The following RABEP1 variants were observed in gnomAD, a reference collection of about 807,000 sequenced individuals.
RABEP1 encodes the protein rab GTPase-binding effector protein 1.
Under a neutral mutation model 123.4 loss-of-function variants are expected in RABEP1, and 51 were observed. The ratio of observed to expected loss-of-function variants is 0.41; its 90% confidence interval spans 0.33 to 0.52. The LOEUF is 0.52. RABEP1 is among the 20% of genes least tolerant of loss of function. The pLI is 0.16. For synonymous variants in RABEP1, 347 were observed against 355.2 expected, an observed-to-expected ratio of 0.98 and a Z score of 0.26; for missense variants, 888 against 996.3, an observed-to-expected ratio of 0.89 and a Z score of 1.46.
rs1905621266 is a variant in RABEP1, at chr17:5,323,696, CTCTAGGAATATATATATATA to C, written c.164-8233_164-8214del. On this transcript the variant is annotated intron_variant, in intron 2 of 17. Coordinates refer to ENST00000537505, the MANE Select transcript of RABEP1 (RefSeq NM_004703.6). ...ATTGGTGATATATATATATATCTCTCTCTAGGAATATATATATATATCTAGGAATATATATATATCTAGGA... is the reference window on the plus strand; with the variant it reads ...ATTGGTGATATATATATATATCTCTCTCTAGGAATATATATATATCTAGGA... 8.8e-5 allele frequency among the ~76,000 whole-genome samples: 9 copies of C among 101,702 alleles called. 1 individual carries two copies. Among genetic ancestry groups the C allele is most frequent in the Non-Finnish European group, 1.7e-4 (9 of 53,452 alleles). 66.7% of individuals were successfully genotyped at this position (101,702 alleles called of 152,430 possible).
At position 5,354,464 on chromosome 17, in the gene RABEP1, T is replaced by A. The variant is rs1404751739; in HGVS notation, c.1069T>A (p.Ser357Thr). Residue 357 changes from serine to threonine, a missense_variant, in exon 8 of 18, where the codon TCT (serine) becomes ACT (threonine). Physicochemically the swap from Ser to Thr is moderately conservative, Grantham distance 58. Coordinates refer to ENST00000537505, the MANE Select transcript of RABEP1 (RefSeq NM_004703.6). ...AGTGTGTGCTTTAACTCAAGAAGAATCTTCAGCCCAGTTATCAAATGAAGA... is the reference window on the plus strand; with the variant it reads ...AGTGTGTGCTTTAACTCAAGAAGAAACTTCAGCCCAGTTATCAAATGAAGA... ...PVVCALTQEE[S>T]SAQLSNEEEH... 1 of 1,612,182 alleles carries A rather than the reference T, an allele frequency of 6.2e-7. No individual in the cohort carries two copies. The highest frequency in any genetic ancestry group is 8.5e-7 in the Non-Finnish European group (1 of 1,179,310).
intron 12 of RABEP1, among the ~76,000 whole-genome samples, chr17:5,370,676 A>G (rs1470701389): frequency 6.6e-6 from 1 of 152,216 alleles, no homozygotes; most frequent in African/African-American, 2.4e-5. Context: ...AAATGGTTCA[A>G]TGGGAGGTTC....
Position 5,383,767 on chromosome 17 carries a change from ATCTTG to A in RABEP1, c.*545_*549del, listed in dbSNP as rs1911707259. On this transcript the variant is annotated 3_prime_UTR_variant, in exon 18 of 18. Transcript: ENST00000537505. Reference sequence around the variant, plus strand: ...TGTTTTCCTTTTACCATTTTATCTTATCTTGCTTTGGAGGACCTTAAATGCTACTG... The same window carrying A: ...TGTTTTCCTTTTACCATTTTATCTTACTTTGGAGGACCTTAAATGCTACTG... 1 of 102,150 alleles carries A rather than the reference ATCTTG, an allele frequency of 9.8e-6. No individual in the cohort carries two copies. Among genetic ancestry groups the A allele is most frequent in the African/African-American group, 8.2e-5 (1 of 12,166 alleles). The allele number at this position is 102,150 out of a possible 1,614,324, so 6.3% of individuals were successfully genotyped here. A position where few individuals can be genotyped will look rare whatever the true frequency, so the allele number is the denominator to read the frequency against.
chr17:5,292,667 A>T (rs983757620), intron 1 of RABEP1, among the ~76,000 whole-genome samples: 2 of 152,074 alleles, frequency 1.3e-5, no homozygotes, highest in East Asian at 1.9e-4. Context: ...TACAGGTGTG[A>T]ACCACTGCAC....
chr17:5,343,125 G>A (rs539829587), intron 5 of RABEP1, among the ~76,000 whole-genome samples: 2 of 152,216 alleles, frequency 1.3e-5, no homozygotes, highest in East Asian at 1.9e-4. Context: ...CTGGGCATCC[G>A]CCTGTAATCC....
At chr17:5,364,932 G>A (rs549819383) in intron 10 of RABEP1, among the ~76,000 whole-genome samples, 190 bp from the exon 11 acceptor site, 2 of 152,026 alleles carry the variant, frequency 1.3e-5, no homozygotes, top group East Asian at 3.9e-4. Context: ...AAAATGATTT[G>A]TTAACTGTAA....
In RABEP1 at chr17:5,383,331, AG is replaced by A. The variant is rs1911655941; in HGVS notation, c.*110del. The stretch of plus-strand genomic sequence containing the variant: ...CTGAAGAAAGAGAAGTCACAACAAA[AG>A]GAAGACTGGAGAAATGCTTACTTCT... On this transcript the variant is annotated 3_prime_UTR_variant, in exon 18 of 18. Coordinates refer to ENST00000537505, the MANE Select transcript of RABEP1 (RefSeq NM_004703.6). The A allele has an allele frequency of 2.2e-6, 2 of 893,716 alleles. No individual in the cohort carries two copies. Among genetic ancestry groups the A allele is most frequent in the Non-Finnish European group, 3.5e-6 (2 of 563,684 alleles). The allele number at this position is 893,716 out of a possible 1,614,324, so 55.4% of individuals were successfully genotyped here. A position where few individuals can be genotyped will look rare whatever the true frequency, so the allele number is the denominator to read the frequency against.
Position 5,386,155 on chromosome 17 carries a change from T to C in RABEP1, c.*2932T>C, listed in dbSNP as rs914829243. The C allele has an allele frequency of 2.9e-6, 4 of 1,398,980 alleles. No individual in the cohort carries two copies. The African/African-American group carries it at 5.8e-5, about 20-fold the overall frequency. The allele number at this position is 1,398,980 out of a possible 1,614,324, so 86.7% of individuals were successfully genotyped here. ...AATTCTACCTGTTTTACAATATGGGTTTAAGCCTTCAATGGTGTTCAGTTC... is the reference window on the plus strand; with the variant it reads ...AATTCTACCTGTTTTACAATATGGGCTTAAGCCTTCAATGGTGTTCAGTTC... On this transcript the variant is annotated 3_prime_UTR_variant, in exon 18 of 18. Coordinates refer to ENST00000537505, the MANE Select transcript of RABEP1 (RefSeq NM_004703.6).
intron 1 of RABEP1, among the ~76,000 whole-genome samples, chr17:5,294,326 G>T (rs898559724): frequency 7.9e-5 from 12 of 152,172 alleles, no homozygotes; most frequent in African/African-American, 2.7e-4. Flanking sequence ...GGAGGTTGCA[G>T]TGAGCTGAGG....
At chr17:5,288,749 G>A (rs2075003698) in intron 1 of RABEP1, among the ~76,000 whole-genome samples, 1 of 151,670 alleles carries the variant, frequency 6.6e-6, no homozygotes, top group Non-Finnish European at 1.5e-5. Flanking sequence ...TGTTGCCCAG[G>A]CTGGAGTGCA....
chr17:5,328,033 T>C (rs1051220141), intron 2 of RABEP1, among the ~76,000 whole-genome samples: 1 of 152,186 alleles, frequency 6.6e-6, no homozygotes, highest in South Asian at 2.1e-4. Flanking sequence ...ATATTCTAAT[T>C]AATGAGTGAA....
chr17:5,342,692 G>C (rs1907719233), intron 5 of RABEP1, among the ~76,000 whole-genome samples: 2 of 152,210 alleles, frequency 1.3e-5, no homozygotes, highest in African/African-American at 4.8e-5. Flanking sequence ...TTAGGAACTT[G>C]ATAATTCAGT....
intron 1 of RABEP1, among the ~76,000 whole-genome samples, chr17:5,288,465 G>A (rs1199582199): frequency 2.6e-5 from 4 of 151,192 alleles, no homozygotes; most frequent in Non-Finnish European, 4.4e-5. Context: ...GCACTATCTC[G>A]GCTCACTGGA....
rs774904645 is a variant in RABEP1 at position 5,362,978 on chromosome 17, C to A, written c.1630C>A (p.Gln544Lys). ...DMCSNYEKQL[Q>K]GIQIQEAETR... ...GTGTTCCAATTACGAAAAACAGTTACAAGGAATTCAGATTCAGGAGGCTGA... is the reference window on the plus strand; with the variant it reads ...GTGTTCCAATTACGAAAAACAGTTAAAAGGAATTCAGATTCAGGAGGCTGA... Residue 544 changes from glutamine to lysine, a missense_variant, in exon 10 of 18, where the codon CAA becomes AAA. Transcript: ENST00000537505. 20 of 1,613,616 alleles carry A rather than the reference C, an allele frequency of 1.2e-5. No individual in the cohort carries two copies. Among genetic ancestry groups the A allele is most frequent in the Non-Finnish European group, 1.6e-5 (19 of 1,179,680 alleles).
At chr17:5,290,897 A>G (rs1362908960) in intron 1 of RABEP1, among the ~76,000 whole-genome samples, 2 of 152,192 alleles carry the variant, frequency 1.3e-5, no homozygotes, top group Non-Finnish European at 2.9e-5. Context: ...ACTTGGATGC[A>G]TTAATTATAT....
intron 1 of RABEP1, among the ~76,000 whole-genome samples, chr17:5,299,187 G>C (rs929465123): frequency 1.4e-4 from 21 of 152,044 alleles, no homozygotes; most frequent in Non-Finnish European, 2.6e-4. Context: ...TCTCATTTTT[G>C]GCCAGTGTGT....
chr17:5,383,057 A>G lies in RABEP1; in HGVS notation c.2488-65A>G, dbSNP rs144090191. ...AGTTAATCTGCTACATCTCAGCTAA[A>G]CCAGTCAAAGTTCAGAAAATCTAGG... is the stretch of plus-strand genomic sequence containing the variant. On this transcript the variant is annotated intron_variant, in intron 17 of 17. Coordinates refer to ENST00000537505, the MANE Select transcript of RABEP1 (RefSeq NM_004703.6). The G allele has an allele frequency of 1.2e-4, 165 of 1,331,152 alleles. 1 individual carries two copies. The African/African-American group carries it at 2.0e-3, about 17-fold the overall frequency. 82.5% of individuals were successfully genotyped at this position (1,331,152 alleles called of 1,614,324 possible).
chr17:5,383,219 C>T lies in RABEP1; in HGVS notation c.2585C>T (p.Thr862Ile). 6.2e-7 allele frequency: 1 copy of T among 1,613,506 alleles called. No homozygotes were observed. Among genetic ancestry groups the T allele is most frequent in the Non-Finnish European group, 8.5e-7 (1 of 1,179,458 alleles). Residue 862 changes from threonine to isoleucine, a missense_variant, in exon 18 of 18, where the codon ACA (threonine) becomes ATA (isoleucine). Physicochemically the swap from Thr to Ile is moderately conservative, Grantham distance 89 (BLOSUM62 -1). Transcript: ENST00000537505. ...ACAGACATTAACCAGCTTCCTGAGACATGACACCCTCATGGCAGGATTCTA... is the reference window on the plus strand; with the variant it reads ...ACAGACATTAACCAGCTTCCTGAGATATGACACCCTCATGGCAGGATTCTA... ...KLTDINQLPE[T>I]
intron 2 of RABEP1, among the ~76,000 whole-genome samples, chr17:5,326,292 G>A (rs1282630997): frequency 1.3e-5 from 2 of 152,124 alleles, no homozygotes; most frequent in Admixed American, 6.6e-5. Flanking sequence ...TTGAGACAGT[G>A]GAATATTATT....
Sources: gnomAD v4.1 joint callset for allele counts (sites outside exome capture counted in the v4.1 genomes callset) on GRCh38, gnomAD v4.1.1 for gene constraint, MANE v1.5 for transcripts, NCBI Gene and HGNC (gene_info 2026-07-23, HGNC 2026-07-21) for gene names.